Variants in BNC2 observed in about 807,000 individuals in gnomAD.
BNC2 encodes the protein zinc finger protein basonuclin-2.
Under a neutral mutation model 76.3 loss-of-function variants are expected in BNC2, and 20 were observed. That is an observed-to-expected ratio of 0.26 (90% CI 0.18 to 0.38). The LOEUF (loss-of-function observed/expected upper bound fraction) is 0.38, where lower values mean the gene tolerates loss of function less well. Ranked by LOEUF, BNC2 falls within the 10% of genes least tolerant of loss-of-function variation. The pLI is 1.00. For synonymous variants in BNC2, 582 were observed against 514.8 expected (o/e 1.13, Z -1.77); for missense variants, 1,382 against 1,399.8 (o/e 0.99, Z 0.20).
At chr9:16,757,496 T>C (rs1825419136) in intron 1 of BNC2, among the ~76,000 whole-genome samples, 1 of 152,114 alleles carries the variant, frequency 6.6e-6, no homozygotes, top group Admixed American at 6.5e-5. Flanking sequence ...ATGACAGAAA[T>C]CGAAATGTGA....
intron 5 of BNC2, among the ~76,000 whole-genome samples, chr9:16,517,706 C>CA (rs1342380220): frequency 2.0e-5 from 3 of 151,836 alleles, no homozygotes; most frequent in African/African-American, 4.8e-5. Flanking sequence ...TTAAAGGAGA[C>CA]AAAAAAATCA....
rs147086769 is a variant in BNC2, at chr9:16,594,355, C to T, written c.331-11270G>A. 4.1e-3 allele frequency among the ~76,000 whole-genome samples: 627 copies of T among 152,252 alleles called. 1 individual carries two copies. Among genetic ancestry groups the T allele is most frequent in the Non-Finnish European group, 6.6e-3 (446 of 68,006 alleles). ...CATCCTAAGTCAGTATCTTTCCCTT[C>T]CCAGATGCAATGTGAAGGGCTCCCT... On this transcript the variant is annotated intron_variant, in intron 3 of 6. Coordinates refer to ENST00000380672, the MANE Select transcript of BNC2 (RefSeq NM_017637.6).
chr9:16,837,858 G>A (rs1298670888), intron 1 of BNC2, among the ~76,000 whole-genome samples: 1 of 152,000 alleles, frequency 6.6e-6, no homozygotes, highest in Non-Finnish European at 1.5e-5. Flanking sequence ...TTTCCAGGAG[G>A]TGGAGGTTGC....
intron 3 of BNC2, among the ~76,000 whole-genome samples, chr9:16,719,196 C>T (rs764158166): frequency 3.3e-5 from 5 of 152,126 alleles, no homozygotes; most frequent in Non-Finnish European, 7.3e-5. Context: ...TTGCCGGTGA[C>T]ATCCCAGCCA....
chr9:16,850,493 A>G (rs1819103367), intron 1 of BNC2, among the ~76,000 whole-genome samples: 1 of 152,234 alleles, frequency 6.6e-6, no homozygotes, highest in Non-Finnish European at 1.5e-5. Flanking sequence ...ATTGCTCAAA[A>G]TATTTCTAGA....
intron 1 of BNC2, among the ~76,000 whole-genome samples, chr9:16,799,088 T>C (rs1817722874): frequency 6.6e-6 from 1 of 152,200 alleles, no homozygotes; most frequent in Admixed American, 6.5e-5. Context: ...TCCTTAGGCA[T>C]GTCAAAATCA....
rs187321915 is a variant in BNC2 at position 16,550,913 on chromosome 9, C to T, written c.669+1617G>A. ...CATTCAAAACAGACATTAATAATCA[C>T]GCTGTAGAAATGACTGTAGAAAGAC... is the stretch of plus-strand genomic sequence containing the variant. On this transcript the variant is annotated intron_variant, in intron 5 of 6. Coordinates refer to ENST00000380672, the MANE Select transcript of BNC2 (RefSeq NM_017637.6). 4.1e-3 allele frequency among the ~76,000 whole-genome samples: 629 copies of T among 152,152 alleles called. 1 individual carries two copies. Among genetic ancestry groups the T allele is most frequent in the African/African-American group, 0.014 (594 of 41,498 alleles).
intron 5 of BNC2, among the ~76,000 whole-genome samples, chr9:16,461,177 T>G (rs1587054898): frequency 6.6e-6 from 1 of 152,174 alleles, no homozygotes; most frequent in East Asian, 1.9e-4. Context: ...TCGGAACATT[T>G]TACATGTGAA....
chr9:16,788,181 C>T (rs76564007), intron 1 of BNC2, among the ~76,000 whole-genome samples: 4,421 of 152,218 alleles, frequency 0.029, 210 homozygotes, highest in African/African-American at 0.1. Flanking sequence ...TAGCTATCTC[C>T]GCAGATATTT....
At chr9:16,585,801 C>A (rs1329596360) in intron 3 of BNC2, among the ~76,000 whole-genome samples, 1 of 152,068 alleles carries the variant, frequency 6.6e-6, no homozygotes, top group African/African-American at 2.4e-5. Context: ...AATGAATATG[C>A]TTTCATTCTT....
intron 5 of BNC2, among the ~76,000 whole-genome samples, chr9:16,508,635 A>C (rs983459493): frequency 2.0e-5 from 3 of 152,112 alleles, no homozygotes; most frequent in African/African-American, 4.8e-5. Flanking sequence ...ACGCAGGTCA[A>C]AATTCTTATT....
intron 4 of BNC2, among the ~76,000 whole-genome samples, chr9:16,582,577 G>A (rs1457510133): frequency 3.9e-5 from 6 of 152,122 alleles, no homozygotes; most frequent in East Asian, 1.9e-4. Flanking sequence ...GAGCACATAC[G>A]ACAAGGGTGA....
chr9:16,426,463 C>A (rs1563777466), intron 6 of BNC2, among the ~76,000 whole-genome samples: 1 of 151,868 alleles, frequency 6.6e-6, no homozygotes, highest in African/African-American at 2.4e-5. Context: ...CCACACCCAG[C>A]CTAAAATGGT....
chr9:16,754,804 T>C (rs10733320), intron 1 of BNC2, among the ~76,000 whole-genome samples: 101,176 of 152,098 alleles, frequency 0.67, 35,096 homozygotes, highest in Non-Finnish European at 0.76. Flanking sequence ...GTGATCTGCC[T>C]GCCTCAGCCT....
chr9:16,611,184 T>C (rs1820535560), intron 3 of BNC2, among the ~76,000 whole-genome samples: 2 of 152,218 alleles, frequency 1.3e-5, no homozygotes, highest in Non-Finnish European at 2.9e-5. Context: ...GTTAATAAAC[T>C]GCAGCCGAAA....
At chr9:16,516,119 T>G (rs1363800412) in intron 5 of BNC2, among the ~76,000 whole-genome samples, 1 of 152,200 alleles carries the variant, frequency 6.6e-6, no homozygotes, top group Non-Finnish European at 1.5e-5. Context: ...TATGCCCTCT[T>G]GCCTTTCGGG....
intron 1 of BNC2, among the ~76,000 whole-genome samples, chr9:16,865,561 C>G (rs1205737731): frequency 6.6e-6 from 1 of 151,946 alleles, no homozygotes; most frequent in African/African-American, 2.4e-5. Context: ...TTTTTGGTGC[C>G]CTTCTCACTA....
chr9:16,654,853 G>A (rs1821883753), intron 3 of BNC2, among the ~76,000 whole-genome samples: 1 of 152,082 alleles, frequency 6.6e-6, no homozygotes, highest in Admixed American at 6.6e-5. Context: ...ACCTCTTAAT[G>A]CAGGAAAAAT....
At chr9:16,705,649 G>C (rs1240221315) in intron 3 of BNC2, among the ~76,000 whole-genome samples, 1 of 115,924 alleles carries the variant, frequency 8.6e-6, no homozygotes, top group African/African-American at 2.6e-5. Context: ...ATGATAGTGT[G>C]GCTTGGGTTT....
Sources: allele counts gnomAD v4.1 joint callset (sites outside exome capture counted in the v4.1 genomes callset), GRCh38; gene constraint gnomAD v4.1.1; transcripts MANE v1.5; gene names NCBI Gene and HGNC (gene_info 2026-07-23, HGNC 2026-07-21).